ARHGAP15: variants seen among roughly 807,000 people sequenced by gnomAD.
ARHGAP15 encodes rho GTPase-activating protein 15.
ARHGAP15 carries 51 observed loss-of-function variants against 63.7 expected under a neutral mutation model. That is an observed-to-expected ratio of 0.80 (90% CI 0.64 to 1.01). The LOEUF (loss-of-function observed/expected upper bound fraction) is 1.01. Ranked by LOEUF, ARHGAP15 falls within the 50% of genes least tolerant of loss-of-function variation. The pLI is 0.00. For missense variants in ARHGAP15, 560 were observed against 564.6 expected, an observed-to-expected ratio of 0.99 and a Z score of 0.08; for synonymous variants, 191 against 193.8, an observed-to-expected ratio of 0.99 and a Z score of 0.12.
At chr2:143,621,373 G>A (rs1698642263) in intron 11 of ARHGAP15, among the ~76,000 whole-genome samples, 1 of 142,636 alleles carries the variant, frequency 7.0e-6, no homozygotes, top group South Asian at 2.2e-4. Context: ...CACCAGGGTA[G>A]GGTTATGGTT....
intron 6 of ARHGAP15, among the ~76,000 whole-genome samples, chr2:143,337,414 G>T (rs966068875): frequency 1.3e-5 from 2 of 151,420 alleles, no homozygotes; most frequent in African/African-American, 4.9e-5. Flanking sequence ...ATGTGGTATT[G>T]TTTCTATAGG....
At chr2:143,509,262 C>T (rs1173682502) in intron 9 of ARHGAP15, among the ~76,000 whole-genome samples, 5 of 151,710 alleles carry the variant, frequency 3.3e-5, no homozygotes, top group Non-Finnish European at 5.9e-5. Flanking sequence ...TTTGGTAACT[C>T]CTATTTATTT....
chr2:143,581,821 T>C (rs754229338), intron 11 of ARHGAP15, among the ~76,000 whole-genome samples: 1 of 152,080 alleles, frequency 6.6e-6, no homozygotes, highest in Non-Finnish European at 1.5e-5. Flanking sequence ...GAGCAAAAAC[T>C]CTCATCTTCA....
At chr2:143,140,794 C>T (rs539067812) in intron 1 of ARHGAP15, among the ~76,000 whole-genome samples, 1 of 152,026 alleles carries the variant, frequency 6.6e-6, no homozygotes, top group African/African-American at 2.4e-5. Flanking sequence ...TTGGTGTTAG[C>T]GCATCCACTT....
chr2:143,323,190 A>G (rs1397804553), intron 6 of ARHGAP15, among the ~76,000 whole-genome samples: 4 of 152,236 alleles, frequency 2.6e-5, no homozygotes, highest in African/African-American at 9.6e-5. Flanking sequence ...CAGATTGAGA[A>G]GGAACACGTA....
intron 8 of ARHGAP15, among the ~76,000 whole-genome samples, chr2:143,472,590 G>GC (rs1426703708): frequency 6.6e-6 from 1 of 151,912 alleles, no homozygotes; most frequent in Non-Finnish European, 1.5e-5. Context: ...CTGTTTAGAC[G>GC]CATCAGTATT....
At chr2:143,408,933 T>C (rs568882163) in intron 6 of ARHGAP15, among the ~76,000 whole-genome samples, 2 of 152,052 alleles carry the variant, frequency 1.3e-5, no homozygotes, top group East Asian at 3.9e-4. Flanking sequence ...TTTGGGACTA[T>C]AGATAAAAGA....
At chr2:143,365,766 C>A (rs1410934097) in intron 6 of ARHGAP15, among the ~76,000 whole-genome samples, 3 of 152,018 alleles carry the variant, frequency 2.0e-5, no homozygotes, top group African/African-American at 7.3e-5. Context: ...ATAATCATAC[C>A]CACCTTTGAA....
In ARHGAP15 at chr2:143,379,329, G is replaced by A. The variant is rs376796248; in HGVS notation, c.475-56272G>A. Among the ~76,000 whole-genome samples, 4 of 151,566 alleles carry A rather than the reference G, an allele frequency of 2.6e-5. No homozygotes were observed. In the South Asian group the frequency reaches 8.4e-4, roughly 32 times the overall value. ...TGACCCACACTGATCATTTAACAAG[G>A]TGGTTTTTTAGGCATATATATATAT... On this transcript the variant is annotated intron_variant, in intron 6 of 13. Coordinates refer to ENST00000295095, the MANE Select transcript of ARHGAP15 (RefSeq NM_018460.4).
At position 143,665,237 on chromosome 2, in the gene ARHGAP15, T is replaced by C. The variant is rs1241596493; in HGVS notation, c.1139-38182T>C. Among the ~76,000 whole-genome samples the C allele has an allele frequency of 1.4e-4, 20 of 139,008 alleles. No individual in the cohort carries two copies. In the East Asian group the frequency reaches 4.0e-3, roughly 28 times the overall value. 91.2% of individuals were successfully genotyped at this position (139,008 alleles called of 152,430 possible). A position where few individuals can be genotyped will look rare whatever the true frequency, so the allele number is the denominator to read the frequency against. On this transcript the variant is annotated intron_variant, in intron 12 of 13. Coordinates refer to ENST00000295095, the MANE Select transcript of ARHGAP15 (RefSeq NM_018460.4). ...ATCCACCATGATCAAGTGGGCTTCA[T>C]CCCTGGGATGCAAGGCTGGTTCAAT...
At chr2:143,247,748 A>G (rs1694098524) in intron 5 of ARHGAP15, among the ~76,000 whole-genome samples, 1 of 152,206 alleles carries the variant, frequency 6.6e-6, no homozygotes, top group Non-Finnish European at 1.5e-5. Flanking sequence ...GGTGTGCAAT[A>G]AATGTTAATT....
chr2:143,456,230 G>A (rs1171530769), intron 8 of ARHGAP15, among the ~76,000 whole-genome samples: 2 of 152,090 alleles, frequency 1.3e-5, no homozygotes, highest in African/African-American at 2.4e-5. Flanking sequence ...TTCATTAAAT[G>A]TTGGCTATTA....
intron 13 of ARHGAP15, among the ~76,000 whole-genome samples, chr2:143,747,436 T>C (rs1686212562): frequency 6.6e-6 from 1 of 152,210 alleles, no homozygotes; most frequent in African/African-American, 2.4e-5. Flanking sequence ...CTGTACATTC[T>C]ATGGATTTTG....
chr2:143,136,367 A>C (rs1255207276), intron 1 of ARHGAP15, among the ~76,000 whole-genome samples: 3 of 152,048 alleles, frequency 2.0e-5, no homozygotes, highest in Non-Finnish European at 4.4e-5. Context: ...TTTCTAAAAA[A>C]ATCTTGCCAA....
intron 6 of ARHGAP15, among the ~76,000 whole-genome samples, chr2:143,302,017 C>T (rs1682927719): frequency 6.6e-6 from 1 of 151,904 alleles, no homozygotes; most frequent in Non-Finnish European, 1.5e-5. Flanking sequence ...TTCTCTGTTT[C>T]TAAAATAGGA....
chr2:143,315,442 A>G (rs1280019372), intron 6 of ARHGAP15, among the ~76,000 whole-genome samples: 1 of 152,206 alleles, frequency 6.6e-6, no homozygotes, highest in African/African-American at 2.4e-5. Context: ...TTTGATATAC[A>G]TGTGGCTCCC....
chr2:143,153,843 T>TCTTCCTCCTCCTCCTCCTCCTCC (rs1558779622), intron 1 of ARHGAP15, among the ~76,000 whole-genome samples: 34 of 86,890 alleles, frequency 3.9e-4, no homozygotes, highest in African/African-American at 1.6e-3. Context: ...CTTCTTCTTC[T>TCTTCCTCCTCCTCCTCCTCCTCC]TCCTCCTCCT....
chr2:143,629,186 C>CAAAAA (rs5834959), intron 12 of ARHGAP15, among the ~76,000 whole-genome samples: 1 of 145,618 alleles, frequency 6.9e-6, no homozygotes, highest in Non-Finnish European at 1.5e-5. Context: ...CTTTTTGGAC[C>CAAAAA]AAAAAAAAAA....
chr2:143,694,587 T>C (rs1039820661), intron 12 of ARHGAP15, among the ~76,000 whole-genome samples: 3 of 152,230 alleles, frequency 2.0e-5, no homozygotes, highest in Non-Finnish European at 2.9e-5. Context: ...AAATGCTGAC[T>C]AAAGTTGCCA....
Sources: allele counts gnomAD v4.1 joint callset (sites outside exome capture counted in the v4.1 genomes callset), GRCh38; gene constraint gnomAD v4.1.1; transcripts MANE v1.5; gene names NCBI Gene and HGNC (gene_info 2026-07-23, HGNC 2026-07-21).